Variants in UBE2V2 observed in about 807,000 individuals in gnomAD.
The protein encoded by UBE2V2 is ubiquitin conjugating enzyme E2 V2, also known as ubiquitin-conjugating enzyme E2 variant 2.
In UBE2V2, 9 loss-of-function variants were observed where a neutral mutation model predicts 17.2. That is an observed-to-expected ratio of 0.52 (90% CI 0.32 to 0.91). UBE2V2 has a LOEUF of 0.91. Ranked by LOEUF, UBE2V2 falls within the 40% of genes least tolerant of loss-of-function variation. The probability of loss-of-function intolerance (pLI) is 0.04; values close to 1 mark genes in which losing one functional copy is unlikely to be tolerated. For missense variants in UBE2V2, 133 were observed against 182.6 expected (o/e 0.73, Z 1.56); for synonymous variants, 61 against 57.5 (o/e 1.06, Z -0.28).
intron 1 of UBE2V2, among the ~76,000 whole-genome samples, chr8:48,030,928 G>T (rs1477116093): frequency 6.6e-6 from 1 of 152,030 alleles, no homozygotes; most frequent in African/African-American, 2.4e-5. Context: ...AGGCTGAGGC[G>T]GGAGAATCTC....
chr8:48,000,653 C>G, the UBE2V2 span, among the ~76,000 whole-genome samples: 1 of 151,632 alleles, frequency 6.6e-6, no homozygotes, highest in Admixed American at 6.6e-5. Context: ...AACCCTGTCT[C>G]TACTAAAAAT....
At chr8:48,048,642 T>G in intron 2 of UBE2V2, among the ~76,000 whole-genome samples, 1 of 152,222 alleles carries the variant, frequency 6.6e-6, no homozygotes, top group East Asian at 1.9e-4. Flanking sequence ...TCTTTTTTTC[T>G]TAAAGTATTG....
rs1040657460 is a variant in UBE2V2 at position 48,056,639 on chromosome 8, G to A, written c.292-4043G>A. Among the ~76,000 whole-genome samples the A allele has an allele frequency of 8.0e-5, 12 of 150,700 alleles. 1 individual carries two copies. The South Asian group carries it at 2.5e-3, about 32-fold the overall frequency. ...ACTCCTGGGCTCAAGAGATCCACCC[G>A]CCTATCTCTCCCAAAGTATTGGGAT... On this transcript the variant is annotated intron_variant, in intron 3 of 3. Transcript: ENST00000523111.
rs1802631815 is a variant in UBE2V2, at chr8:48,064,181, T to C, written c.*3353T>C. 1 of 152,220 alleles carries C rather than the reference T, an allele frequency of 6.6e-6. No individual in the cohort carries two copies. The highest frequency in any genetic ancestry group is 2.4e-5 in the African/African-American group (1 of 41,446). The allele number at this position is 152,220 out of a possible 1,614,324, so 9.4% of individuals were successfully genotyped here. On this transcript the variant is annotated 3_prime_UTR_variant, in exon 4 of 4. Coordinates refer to ENST00000523111, the MANE Select transcript of UBE2V2 (RefSeq NM_003350.3). ...TGGAGGCATTTCAGGAATTTTCCTTTTATAGTATGCTTTTTAGGCATCTGT... is the reference window on the plus strand; with the variant it reads ...TGGAGGCATTTCAGGAATTTTCCTTCTATAGTATGCTTTTTAGGCATCTGT...
chr8:48,021,709 A>G (rs1288002357), intron 1 of UBE2V2, among the ~76,000 whole-genome samples: 1 of 142,744 alleles, frequency 7.0e-6, no homozygotes, highest in Non-Finnish European at 1.5e-5. Context: ...TTTTTTTGAG[A>G]TGGAGTTTTG....
the UBE2V2 span, among the ~76,000 whole-genome samples, chr8:47,999,834 C>T: frequency 7.6e-4 from 116 of 152,314 alleles, no homozygotes; most frequent in African/African-American, 2.6e-3. Context: ...AAAAACCGAG[C>T]TCCCCGATTG....
intron 1 of UBE2V2, among the ~76,000 whole-genome samples, chr8:48,031,202 C>CT (rs2091380682): frequency 7.9e-6 from 1 of 126,266 alleles, no homozygotes; most frequent in South Asian, 3.0e-4. Context: ...GAGCAAGACT[C>CT]TGTCTCAAAA....
chr8:48,044,591 T>G (rs1242313614), intron 2 of UBE2V2, among the ~76,000 whole-genome samples: 1 of 152,216 alleles, frequency 6.6e-6, no homozygotes, highest in African/African-American at 2.4e-5. Flanking sequence ...GCTCCCTGTT[T>G]ACTCCCTTGC....
Position 48,061,947 on chromosome 8 carries a change from C to G in UBE2V2, c.*1119C>G, listed in dbSNP as rs776575223. 9 of 152,122 alleles carry G rather than the reference C, an allele frequency of 5.9e-5. No homozygotes were observed. The highest frequency in any genetic ancestry group is 1.3e-4 in the Non-Finnish European group (9 of 68,028). 9.4% of individuals were successfully genotyped at this position (152,122 alleles called of 1,614,324 possible). Reference sequence around the variant, plus strand: ...GCTTTTGGTTAATAAATAGGGTCAACTAATTGGAGACTTTTCTCTTCCAAT... The same window carrying G: ...GCTTTTGGTTAATAAATAGGGTCAAGTAATTGGAGACTTTTCTCTTCCAAT... On this transcript the variant is annotated 3_prime_UTR_variant, in exon 4 of 4. Coordinates refer to ENST00000523111, the MANE Select transcript of UBE2V2 (RefSeq NM_003350.3).
At chr8:48,018,823 TGC>T (rs2091285894) in intron 1 of UBE2V2, among the ~76,000 whole-genome samples, 1 of 152,202 alleles carries the variant, frequency 6.6e-6, no homozygotes, top group Non-Finnish European at 1.5e-5. Flanking sequence ...TATATTTAGG[TGC>T]TTTGATGTTG....
chr8:48,010,220 T>C (rs939042075), intron 1 of UBE2V2, among the ~76,000 whole-genome samples: 35 of 152,050 alleles, frequency 2.3e-4, no homozygotes, highest in Middle Eastern at 6.8e-3. Context: ...ATTAGCATAT[T>C]GTACATAGGG....
intron 3 of UBE2V2, among the ~76,000 whole-genome samples, chr8:48,055,993 T>C (rs537573758): frequency 6.6e-6 from 1 of 152,052 alleles, no homozygotes; most frequent in South Asian, 2.1e-4. Flanking sequence ...CTCCTGACCT[T>C]GTGATCTGCC....
At chr8:47,998,274 AG>A in the UBE2V2 span, among the ~76,000 whole-genome samples, 1 of 152,118 alleles carries the variant, frequency 6.6e-6, no homozygotes, top group South Asian at 2.1e-4. Flanking sequence ...TAGTTTTAGA[AG>A]GAGCAGACTG....
intron 1 of UBE2V2, among the ~76,000 whole-genome samples, chr8:48,026,117 T>C (rs886866434): frequency 6.6e-6 from 1 of 152,092 alleles, no homozygotes; most frequent in African/African-American, 2.4e-5. Context: ...ATTTTATTCT[T>C]CCTTTTACCT....
In UBE2V2 at chr8:48,062,115, A is replaced by C. The variant is rs181825737; in HGVS notation, c.*1287A>C. On this transcript the variant is annotated 3_prime_UTR_variant, in exon 4 of 4. Transcript: ENST00000523111. ...AGGCTTTAGGTCACTGTTTCACTTC[A>C]AAGTACTGGATCCAAAGCTTTGTTG... 2.6e-5 allele frequency: 4 copies of C among 152,320 alleles called. No individual in the cohort carries two copies. The East Asian group carries it at 7.7e-4, about 29-fold the overall frequency. The allele number at this position is 152,320 out of a possible 1,614,324, so 9.4% of individuals were successfully genotyped here.
chr8:48,039,069 G>A (rs1447417652), intron 1 of UBE2V2, among the ~76,000 whole-genome samples: 1 of 149,568 alleles, frequency 6.7e-6, no homozygotes, highest in African/African-American at 2.5e-5. Flanking sequence ...GTAGAGATGG[G>A]TTTGTATTTT....
At chr8:47,998,526 C>T in the UBE2V2 span, among the ~76,000 whole-genome samples, 2 of 151,912 alleles carry the variant, frequency 1.3e-5, no homozygotes, top group African/African-American at 2.4e-5. Flanking sequence ...TTTCGGAGAA[C>T]AGCAACAGTC....
chr8:48,014,585 C>G (rs2091255469), intron 1 of UBE2V2, among the ~76,000 whole-genome samples: 1 of 144,106 alleles, frequency 6.9e-6, no homozygotes. Flanking sequence ...TCGAAGCTTG[C>G]AGTGAGCTGA....
intron 1 of UBE2V2, among the ~76,000 whole-genome samples, chr8:48,021,605 C>T (rs1490092651): frequency 1.3e-5 from 2 of 151,758 alleles, no homozygotes; most frequent in African/African-American, 4.8e-5. Flanking sequence ...TGCGCCCGGC[C>T]GGTCTTGAAC....
Sources: allele counts gnomAD v4.1 joint callset (sites outside exome capture counted in the v4.1 genomes callset), GRCh38; gene constraint gnomAD v4.1.1; transcripts MANE v1.5; gene names NCBI Gene and HGNC (gene_info 2026-07-23, HGNC 2026-07-21).